The following CHD9 variants were observed in gnomAD, a reference collection of about 807,000 sequenced individuals.
CHD9 encodes ATP-dependent chromatin remodeler CHD9.
A neutral mutation model predicts 316.1 loss-of-function variants in CHD9; 77 were observed. The ratio of observed to expected loss-of-function variants is 0.24; its 90% CI spans 0.20 to 0.29. The LOEUF (loss-of-function observed/expected upper bound fraction) is 0.29. CHD9 is among the 10% of genes least tolerant of loss of function. The pLI is 1.00. For synonymous variants in CHD9, 1,129 were observed against 1,158.3 expected (o/e 0.97, Z 0.51); for missense variants, 2,763 against 3,438.1 (o/e 0.80, Z 4.91).
At chr16:53,248,335 CAAA>C (rs11321027) in intron 16 of CHD9, among the ~76,000 whole-genome samples, 1 of 116,308 alleles carries the variant, frequency 8.6e-6, no homozygotes. Context: ...AACTCTGTCT[CAAA>C]AAAAAAAAAA....
At chr16:53,125,112 A>G (rs2038912709) in intron 1 of CHD9, among the ~76,000 whole-genome samples, 1 of 151,346 alleles carries the variant, frequency 6.6e-6, no homozygotes, top group East Asian at 1.9e-4. Context: ...TTTTAATTGG[A>G]TTATTTATGT....
chr16:53,071,943 GA>G (rs1401627301), intron 1 of CHD9, among the ~76,000 whole-genome samples: 3 of 152,184 alleles, frequency 2.0e-5, no homozygotes, highest in South Asian at 2.1e-4. Flanking sequence ...GACAGCTGGT[GA>G]AACTGTGTTC....
intron 30 of CHD9, among the ~76,000 whole-genome samples, chr16:53,303,185 T>G (rs1188912925): frequency 1.3e-5 from 2 of 151,608 alleles, no homozygotes; most frequent in Non-Finnish European, 2.9e-5. Context: ...ATTATGAGTT[T>G]TTTTTTTTTT....
rs543360740 is a variant in CHD9, at chr16:53,065,153, G to A, written c.-165+10076G>A. On this transcript the variant is annotated intron_variant, in intron 1 of 38. Transcript: ENST00000447540. ...TTTTTGTGGAATCAAAGCAAGGTGA[G>A]CAAAATGAGTGATTTTAATCACCAG... Among the ~76,000 whole-genome samples, 19 of 152,294 alleles carry A rather than the reference G, an allele frequency of 1.2e-4. 1 individual carries two copies. Among genetic ancestry groups the A allele is most frequent in the African/African-American group, 4.6e-4 (19 of 41,554 alleles).
At chr16:53,317,649 A>G (rs2056983435) in intron 36 of CHD9, among the ~76,000 whole-genome samples, 1 of 152,144 alleles carries the variant, frequency 6.6e-6, no homozygotes, top group Non-Finnish European at 1.5e-5. Flanking sequence ...GTACACCACC[A>G]TGGCAAGCTA....
chr16:53,252,974 A>G (rs1007421864), intron 17 of CHD9, among the ~76,000 whole-genome samples: 2 of 152,206 alleles, frequency 1.3e-5, no homozygotes, highest in South Asian at 2.1e-4. Context: ...TACAGCCACT[A>G]TGGAAAACAG....
intron 30 of CHD9, among the ~76,000 whole-genome samples, chr16:53,301,558 A>G (rs1315536479): frequency 6.6e-6 from 1 of 152,196 alleles, no homozygotes; most frequent in Non-Finnish European, 1.5e-5. Flanking sequence ...AAATGTGTGC[A>G]CTGGTTGGGC....
chr16:53,207,992 C>T, intron 2 of CHD9: 1 of 986,936 alleles, frequency 1.0e-6, no homozygotes. Flanking sequence ...CTCTAATATT[C>T]ATGCTGATGC....
At chr16:53,199,926 A>T (rs1391077101) in intron 2 of CHD9, among the ~76,000 whole-genome samples, 1 of 152,222 alleles carries the variant, frequency 6.6e-6, no homozygotes, top group Non-Finnish European at 1.5e-5. Flanking sequence ...ATAGTGTCAG[A>T]TTATAAACCA....
chr16:53,103,190 G>GT (rs71143966), intron 1 of CHD9, among the ~76,000 whole-genome samples: 58,249 of 139,992 alleles, frequency 0.42, 12,851 homozygotes, highest in East Asian at 0.58. Flanking sequence ...GATTTTATTT[G>GT]TTTTTTTTTT....
Position 53,229,563 on chromosome 16 carries a change from C to T in CHD9, c.2286+463C>T, listed in dbSNP as rs542300683. On this transcript the variant is annotated intron_variant, in intron 8 of 38. Transcript: ENST00000447540. The stretch of plus-strand genomic sequence containing the variant: ...AATGGTCTGATGTTCTTTCCTGCTC[C>T]AGATTTTTCTAATAGACTCCTTTTG... Among the ~76,000 whole-genome samples, 71 of 152,288 alleles carry T rather than the reference C, an allele frequency of 4.7e-4. 2 individuals carry two copies. The South Asian group carries it at 0.013, about 28-fold the overall frequency.
At chr16:53,098,099 G>A (rs1039456716) in intron 1 of CHD9, among the ~76,000 whole-genome samples, 8 of 151,254 alleles carry the variant, frequency 5.3e-5, no homozygotes, top group African/African-American at 9.7e-5. Context: ...CAGCCTGGGG[G>A]ACAAGAGCGA....
intron 2 of CHD9, among the ~76,000 whole-genome samples, chr16:53,186,603 G>A (rs115953436): frequency 0.012 from 1,859 of 152,280 alleles, 44 homozygotes; most frequent in African/African-American, 0.043. Flanking sequence ...AAGGCCAGGG[G>A]CAGAATGATA....
chr16:53,152,861 G>A (rs977213947), intron 1 of CHD9, among the ~76,000 whole-genome samples: 3 of 152,180 alleles, frequency 2.0e-5, no homozygotes, highest in Admixed American at 6.5e-5. Context: ...CACCTTGGAA[G>A]TGATTATAGA....
chr16:53,209,398 A>G (rs538142769), intron 2 of CHD9, 84 bp from the exon 3 acceptor site: 3 of 994,948 alleles, frequency 3.0e-6, no homozygotes, highest in South Asian at 1.9e-5. Context: ...CTCTCTAAAC[A>G]TAATTTAAGA....
At position 53,317,163 on chromosome 16, in the gene CHD9, CAAAAA is replaced by C. The variant is rs537619212; in HGVS notation, c.7585-1035_7585-1031del. On this transcript the variant is annotated intron_variant, in intron 36 of 38. Coordinates refer to ENST00000447540, the MANE Select transcript of CHD9 (RefSeq NM_001308319.2). ...ATGAGCCAAGAGCAAAACTCCATCTCAAAAAAAAAAAAAAAAAAGAAAAGAGGATA... is the reference window on the plus strand; with the variant it reads ...ATGAGCCAAGAGCAAAACTCCATCTCAAAAAAAAAAAAAGAAAAGAGGATA... 4.8e-4 allele frequency among the ~76,000 whole-genome samples: 39 copies of C among 81,756 alleles called. 1 individual carries two copies. The South Asian group carries it at 0.014, about 29-fold the overall frequency. The allele number at this position is 81,756 out of a possible 152,430, so 53.6% of individuals were successfully genotyped here. A position where few individuals can be genotyped will look rare whatever the true frequency, so the allele number is the denominator to read the frequency against.
At chr16:53,301,878 C>T (rs540100852) in intron 30 of CHD9, among the ~76,000 whole-genome samples, 18 of 151,694 alleles carry the variant, frequency 1.2e-4, no homozygotes, top group Admixed American at 3.3e-4. Context: ...CATTCTCCTG[C>T]CTCAGCCTCC....
intron 1 of CHD9, among the ~76,000 whole-genome samples, chr16:53,093,396 A>G (rs1027217967): frequency 6.6e-6 from 1 of 152,254 alleles, no homozygotes; most frequent in African/African-American, 2.4e-5. Flanking sequence ...TGCGTGGCAC[A>G]TAGCCAAGAT....
chr16:53,192,256 C>T (rs145415778), intron 2 of CHD9, among the ~76,000 whole-genome samples: 1 of 152,174 alleles, frequency 6.6e-6, no homozygotes, highest in Non-Finnish European at 1.5e-5. Context: ...AAGCCACATA[C>T]AACACCGACT....
Sources: allele counts gnomAD v4.1 joint callset (sites outside exome capture counted in the v4.1 genomes callset), GRCh38; gene constraint gnomAD v4.1.1; transcripts MANE v1.5; gene names NCBI Gene and HGNC (gene_info 2026-07-23, HGNC 2026-07-21).